Variants in ANKAR observed in about 807,000 individuals in gnomAD.
The protein encoded by ANKAR is ankyrin and armadillo repeat containing.
A neutral mutation model predicts 146.2 loss-of-function variants in ANKAR; 136 were observed. The observed-to-expected ratio is 0.93, with a 90% CI of 0.81 to 1.07. ANKAR has a LOEUF of 1.07. ANKAR is among the 50% of genes least tolerant of loss of function. ANKAR has a pLI of 0.00. For missense variants in ANKAR, 1,567 were observed against 1,679.9 expected (o/e 0.93, Z 1.18); for synonymous variants, 500 against 575.8 (o/e 0.87, Z 1.88).
rs916452387 is a variant in ANKAR, at chr2:189,682,422, A to C, written c.601+5331A>C. 2.2e-4 allele frequency among the ~76,000 whole-genome samples: 34 copies of C among 152,182 alleles called. 1 individual carries two copies. The highest frequency in any genetic ancestry group is 1.5e-5 in the Non-Finnish European group (1 of 68,040). On this transcript the variant is annotated intron_variant, in intron 2 of 22. Transcript: ENST00000684021. ...AACAATGTGTGGTGCAAGCAGTGGTAAATGACCACCAGCATACATACTAGA... is the reference window on the plus strand; with the variant it reads ...AACAATGTGTGGTGCAAGCAGTGGTCAATGACCACCAGCATACATACTAGA...
At chr2:189,753,255 T>C (rs991382546) in intron 18 of ANKAR, 2 of 196,830 alleles carry the variant, frequency 1.0e-5, no homozygotes, top group Admixed American at 5.7e-5. Flanking sequence ...TAGTACACTA[T>C]TTTAGACCCT....
intron 6 of ANKAR, among the ~76,000 whole-genome samples, chr2:189,695,767 G>A (rs2037107596): frequency 6.6e-6 from 1 of 152,148 alleles, no homozygotes; most frequent in African/African-American, 2.4e-5. Flanking sequence ...TAGTCAGAAT[G>A]TCTAAAGAGG....
At chr2:189,752,958 T>G (rs900961186) in intron 18 of ANKAR, 27 of 1,612,426 alleles carry the variant, frequency 1.7e-5, no homozygotes, top group Non-Finnish European at 5.1e-6. Flanking sequence ...TAGAAGTTAC[T>G]TGCGACACCA....
At chr2:189,696,903 A>G (rs2037297506) in intron 7 of ANKAR, among the ~76,000 whole-genome samples, 1 of 152,162 alleles carries the variant, frequency 6.6e-6, no homozygotes, top group African/African-American at 2.4e-5. Context: ...TTAATAACAA[A>G]AAATTTCTTT....
At chr2:189,714,498 C>G (rs1274657532) in intron 10 of ANKAR, among the ~76,000 whole-genome samples, 2 of 152,226 alleles carry the variant, frequency 1.3e-5, no homozygotes, top group Non-Finnish European at 2.9e-5. Context: ...GAACAACCTG[C>G]TCCTGAATGA....
intron 18 of ANKAR, chr2:189,755,628 C>T: frequency 2.0e-6 from 3 of 1,490,388 alleles, no homozygotes; most frequent in South Asian, 1.3e-5. Flanking sequence ...GATATTACAG[C>T]TAAAAGCATG....
chr2:189,697,075 A>G (rs1023355749), intron 7 of ANKAR, among the ~76,000 whole-genome samples: 1 of 152,108 alleles, frequency 6.6e-6, no homozygotes, highest in African/African-American at 2.4e-5. Context: ...GTGGCCCTCC[A>G]TAACTGGAAA....
At chr2:189,715,802 G>A (rs958288774) in intron 10 of ANKAR, among the ~76,000 whole-genome samples, 8 of 152,116 alleles carry the variant, frequency 5.3e-5, no homozygotes, top group Admixed American at 4.6e-4. Flanking sequence ...ATCAATAAAT[G>A]TAATCCATCA....
At chr2:189,689,179 C>G (rs893455894) in intron 2 of ANKAR, among the ~76,000 whole-genome samples, 2 of 152,118 alleles carry the variant, frequency 1.3e-5, no homozygotes, top group Admixed American at 6.5e-5. Flanking sequence ...CACAAAGAGT[C>G]TGTTCTGTCA....
At chr2:189,750,659 A>G, downstream of ANKAR, 1 of 1,572,866 alleles carries the variant, frequency 6.4e-7, no homozygotes, top group Non-Finnish European at 8.6e-7. Flanking sequence ...GAGGACATCT[A>G]CATCATAAGC....
At chr2:189,721,097 T>TCGCCTC (rs1491332436) in intron 12 of ANKAR, among the ~76,000 whole-genome samples, 1 of 152,080 alleles carries the variant, frequency 6.6e-6, no homozygotes, top group Non-Finnish European at 1.5e-5. Context: ...AAGAAATTCT[T>TCGCCTC]CTGTCTTAGC....
rs146635600 is a variant in ANKAR at position 189,735,707 on chromosome 2, G to A, written c.3424-1976G>A. Among the ~76,000 whole-genome samples, 129 of 152,292 alleles carry A rather than the reference G, an allele frequency of 8.5e-4. 1 individual carries two copies. Among genetic ancestry groups the A allele is most frequent in the African/African-American group, 2.9e-3 (119 of 41,566 alleles). ...TCTACATGGAGATGCAATAGGTTAT[G>A]TGTTGTTTTTAAATTATAATTTAAC... On this transcript the variant is annotated intron_variant, in intron 17 of 22. Transcript: ENST00000684021.
At chr2:189,713,414 G>A (rs1349084836) in intron 10 of ANKAR, among the ~76,000 whole-genome samples, 1 of 152,226 alleles carries the variant, frequency 6.6e-6, no homozygotes, top group Non-Finnish European at 1.5e-5. Context: ...ACTAACAGTG[G>A]ATCTCTTGGT....
At chr2:189,728,207 A>G in intron 13 of ANKAR, 60 bp from the exon 14 acceptor site, 1 of 1,512,026 alleles carries the variant, frequency 6.6e-7, no homozygotes, top group Non-Finnish European at 8.9e-7. Context: ...TTTATAAAAT[A>G]TGCATTCCTA....
At chr2:189,682,306 A>G (rs1030429187) in intron 2 of ANKAR, among the ~76,000 whole-genome samples, 8 of 149,650 alleles carry the variant, frequency 5.3e-5, no homozygotes, top group Admixed American at 2.0e-4. Context: ...ATCTTTTAGG[A>G]AAAAAAAAAG....
downstream of ANKAR, chr2:189,761,755 G>A (rs2047091798): frequency 4.5e-6 from 6 of 1,323,638 alleles, no homozygotes; most frequent in Admixed American, 3.5e-5. Context: ...AGGAAAGTTT[G>A]TAAAAGTCAC....
At chr2:189,760,374 G>A (rs1022531758) in intron 18 of ANKAR, among the ~76,000 whole-genome samples, 39 of 152,066 alleles carry the variant, frequency 2.6e-4, no homozygotes, top group African/African-American at 8.5e-4. Context: ...GGCGGCTGCC[G>A]GGCAGAGGCG....
chr2:189,762,643 G>A (rs958961066), downstream of ANKAR: 11 of 985,286 alleles, frequency 1.1e-5, no homozygotes, highest in Non-Finnish European at 1.3e-5. Flanking sequence ...TTCCAGGTGC[G>A]CAAAAGCGTC....
intron 10 of ANKAR, among the ~76,000 whole-genome samples, chr2:189,714,966 AAG>A (rs759644739): frequency 0.078 from 9,583 of 122,594 alleles, 1,387 homozygotes; most frequent in African/African-American, 0.15. Flanking sequence ...AAAAAAAAAA[AAG>A]AGAGAGAGAG....
Sources: allele counts gnomAD v4.1 joint callset (sites outside exome capture counted in the v4.1 genomes callset), GRCh38; gene constraint gnomAD v4.1.1; transcripts MANE v1.5; gene names NCBI Gene and HGNC (gene_info 2026-07-23, HGNC 2026-07-21).